LINGO2: variants seen among roughly 807,000 people sequenced by gnomAD.
LINGO2 encodes the protein leucine rich repeat and Ig domain containing 2, also known as leucine-rich repeat and immunoglobulin-like domain-containing nogo receptor-interacting protein 2.
LINGO2 carries 14 observed loss-of-function variants against 30.6 expected under a neutral mutation model. The ratio of observed to expected loss-of-function variants is 0.46; its 90% CI spans 0.30 to 0.72. LINGO2 has a LOEUF of 0.72. Ranked by LOEUF, LINGO2 falls within the 30% of genes least tolerant of loss-of-function variation. LINGO2 has a pLI of 0.07. For missense variants in LINGO2, 729 were observed against 751.7 expected (o/e 0.97, Z 0.35); for synonymous variants, 317 against 288.5 (o/e 1.10, Z -1.00).
In LINGO2 at chr9:28,521,975, T is replaced by A. The variant is rs1302851311; in HGVS notation, c.-364-45950A>T. Reference sequence around the variant, plus strand: ...AAGCAAGGGAGGATCCTTCTCTGTATCCATCGAGGGAGCATGGCCATTACA... The same window carrying A: ...AAGCAAGGGAGGATCCTTCTCTGTAACCATCGAGGGAGCATGGCCATTACA... On this transcript the variant is annotated intron_variant, in intron 1 of 5. Coordinates refer to ENST00000379992, the Ensembl canonical transcript of LINGO2. Among the ~76,000 whole-genome samples the A allele has an allele frequency of 2.0e-5, 3 of 152,180 alleles. No homozygotes were observed. In the East Asian group the frequency reaches 5.8e-4, roughly 29 times the overall value.
At chr9:28,385,494 C>T (rs570680206) in intron 2 of LINGO2, among the ~76,000 whole-genome samples, 13 of 152,178 alleles carry the variant, frequency 8.5e-5, no homozygotes, top group African/African-American at 2.6e-4. Flanking sequence ...AGAAAAGGCA[C>T]GGATACTGTT....
intron 4 of LINGO2, among the ~76,000 whole-genome samples, chr9:28,013,745 T>C (rs1822677076): frequency 6.6e-6 from 1 of 152,202 alleles, no homozygotes; most frequent in African/African-American, 2.4e-5. Flanking sequence ...TGATTCTTTT[T>C]TTCTATACCC....
chr9:28,731,847 G>T, the LINGO2 span, among the ~76,000 whole-genome samples: 24 of 152,116 alleles, frequency 1.6e-4, no homozygotes, highest in African/African-American at 5.8e-4. Flanking sequence ...GGGGGATGCT[G>T]GGAAAAGGGT....
the LINGO2 span, among the ~76,000 whole-genome samples, chr9:28,859,873 T>A: frequency 6.6e-6 from 1 of 151,900 alleles, no homozygotes; most frequent in Non-Finnish European, 1.5e-5. Context: ...GAAAGAGAAA[T>A]ATGTAATAGT....
chr9:28,462,662 C>T (rs915009478), intron 2 of LINGO2, among the ~76,000 whole-genome samples: 1 of 151,918 alleles, frequency 6.6e-6, no homozygotes, highest in East Asian at 1.9e-4. Flanking sequence ...AAAAATTAAT[C>T]ATAATTCTTG....
At chr9:28,099,601 C>A (rs989899847) in intron 4 of LINGO2, among the ~76,000 whole-genome samples, 2 of 152,190 alleles carry the variant, frequency 1.3e-5, no homozygotes, top group Non-Finnish European at 2.9e-5. Flanking sequence ...CTTGGACTAT[C>A]ACAATACTGT....
chr9:28,597,045 C>T (rs1388928517), intron 1 of LINGO2, among the ~76,000 whole-genome samples: 3 of 152,060 alleles, frequency 2.0e-5, no homozygotes, highest in Non-Finnish European at 4.4e-5. Context: ...TAACTGAAAG[C>T]AATGATTCAA....
chr9:28,502,050 G>C (rs926308165), intron 1 of LINGO2, among the ~76,000 whole-genome samples: 1 of 151,378 alleles, frequency 6.6e-6, no homozygotes, highest in Non-Finnish European at 1.5e-5. Flanking sequence ...AATGGATAAA[G>C]GGAAGAAAGG....
intron 2 of LINGO2, among the ~76,000 whole-genome samples, chr9:28,475,121 A>G (rs1825679671): frequency 6.6e-6 from 1 of 152,268 alleles, no homozygotes; most frequent in Non-Finnish European, 1.5e-5. Context: ...ATTTATCTGT[A>G]AAAATATGAA....
At chr9:28,280,493 T>C (rs1823281384) in intron 4 of LINGO2, among the ~76,000 whole-genome samples, 1 of 152,172 alleles carries the variant, frequency 6.6e-6, no homozygotes, top group South Asian at 2.1e-4. Context: ...TTCAAATATC[T>C]ATGAAGTTAT....
At chr9:28,988,507 G>C in the LINGO2 span, among the ~76,000 whole-genome samples, 1 of 151,886 alleles carries the variant, frequency 6.6e-6, no homozygotes, top group Non-Finnish European at 1.5e-5. Flanking sequence ...TCTTTTATTG[G>C]TGAATTTAAT....
At chr9:28,379,572 G>A (rs1821261968) in intron 2 of LINGO2, among the ~76,000 whole-genome samples, 1 of 152,060 alleles carries the variant, frequency 6.6e-6, no homozygotes, top group Non-Finnish European at 1.5e-5. Flanking sequence ...AATACAGAAT[G>A]GTTTAGGCAA....
chr9:28,960,412 A>C, the LINGO2 span, among the ~76,000 whole-genome samples: 9 of 151,806 alleles, frequency 5.9e-5, no homozygotes, highest in African/African-American at 1.9e-4. Flanking sequence ...AGGCAGGAGA[A>C]TCACTGGAAC....
chr9:28,062,898 C>T (rs1825200278), intron 4 of LINGO2, among the ~76,000 whole-genome samples: 1 of 151,912 alleles, frequency 6.6e-6, no homozygotes, highest in Non-Finnish European at 1.5e-5. Flanking sequence ...CTTCCATCCA[C>T]CACCAACCCC....
chr9:28,152,797 C>G (rs1489498633), intron 4 of LINGO2, among the ~76,000 whole-genome samples: 1 of 151,924 alleles, frequency 6.6e-6, no homozygotes, highest in Non-Finnish European at 1.5e-5. Flanking sequence ...ATTTTTGAAA[C>G]TTGGGGACAG....
chr9:28,564,001 A>G (rs1425405957), intron 1 of LINGO2, among the ~76,000 whole-genome samples: 2 of 152,138 alleles, frequency 1.3e-5, no homozygotes, highest in African/African-American at 4.8e-5. Flanking sequence ...AGTCACTGAT[A>G]ATCAGACCAA....
At chr9:28,312,972 T>C (rs72709369) in intron 3 of LINGO2, among the ~76,000 whole-genome samples, 4,860 of 152,248 alleles carry the variant, frequency 0.032, 116 homozygotes, top group Middle Eastern at 0.071. Context: ...TACAAAGGAT[T>C]TCAGGCTGAC....
At chr9:27,953,683 C>T (rs558553733) in intron 5 of LINGO2, among the ~76,000 whole-genome samples, 18 of 152,146 alleles carry the variant, frequency 1.2e-4, no homozygotes, top group African/African-American at 3.6e-4. Flanking sequence ...TTTGCTTCCC[C>T]CTTCAGTCAT....
At chr9:28,539,472 GCACA>G (rs367843957) in intron 1 of LINGO2, among the ~76,000 whole-genome samples, 1 of 151,670 alleles carries the variant, frequency 6.6e-6, no homozygotes, top group East Asian at 1.9e-4. Flanking sequence ...AGGTATGTGT[GCACA>G]CACACACATG....
Sources: gnomAD v4.1 joint callset for allele counts (sites outside exome capture counted in the v4.1 genomes callset) on GRCh38, gnomAD v4.1.1 for gene constraint, MANE v1.5 for transcripts, NCBI Gene and HGNC (gene_info 2026-07-23, HGNC 2026-07-21) for gene names.